The following TBC1D25 variants were observed in gnomAD, a reference collection of about 807,000 sequenced individuals.
TBC1D25 encodes TBC1 domain family member 25.
Under a neutral mutation model 38.8 loss-of-function variants are expected in TBC1D25, and 13 were observed. The ratio of observed to expected loss-of-function variants is 0.34; its 90% CI spans 0.22 to 0.53. The LOEUF (loss-of-function observed/expected upper bound fraction) is 0.53. Ranked by LOEUF, TBC1D25 falls within the 20% of genes least tolerant of loss-of-function variation. The pLI is 0.94. For missense variants in TBC1D25, 372 were observed against 600.0 expected, an observed-to-expected ratio of 0.62 and a Z score of 3.97; for synonymous variants, 225 against 255.6, an observed-to-expected ratio of 0.88 and a Z score of 1.14.
chrX:48,558,813 C>T (rs1487850818), intron 3 of TBC1D25, 84 bp from the exon 4 acceptor site: 5 of 1,154,410 alleles, frequency 4.3e-6, no homozygotes, highest in Admixed American at 2.4e-5. Context: ...GCAGGTAGCC[C>T]GGCTTCAGTA....
intron 3 of TBC1D25, among the ~76,000 whole-genome samples, chrX:48,550,698 C>T (rs1335126666): frequency 2.8e-5 from 3 of 106,122 alleles, no homozygotes; most frequent in African/African-American, 6.9e-5. Context: ...CTTGCTCTGT[C>T]GCCCAGGCTG....
At position 48,562,416 on chromosome X, in the gene TBC1D25, A is replaced by G. The variant is rs2062034678; in HGVS notation, c.*1441A>G. Reference sequence around the variant, plus strand: ...TGGGGGGAAGCTGACTATTCCTCAGATGATAGCCCAGTCACTTGAAGAACA... The same window carrying G: ...TGGGGGGAAGCTGACTATTCCTCAGGTGATAGCCCAGTCACTTGAAGAACA... On this transcript the variant is annotated 3_prime_UTR_variant, in exon 6 of 6. Coordinates refer to ENST00000376771, the MANE Select transcript of TBC1D25 (RefSeq NM_002536.4). The G allele has an allele frequency of 8.9e-6, 1 of 112,009 alleles. No individual in the cohort carries two copies. Among genetic ancestry groups the G allele is most frequent in the Non-Finnish European group, 1.9e-5 (1 of 53,179 alleles). 9.2% of individuals were successfully genotyped at this position (112,009 alleles called of 1,213,427 possible).
chrX:48,546,362 A>G (rs2061885652), intron 3 of TBC1D25, among the ~76,000 whole-genome samples: 1 of 107,763 alleles, frequency 9.3e-6, no homozygotes, highest in Non-Finnish European at 1.9e-5. Context: ...AAATACAAAA[A>G]AATAGCCGGG....
chrX:48,557,940 G>A (rs1200701854), intron 3 of TBC1D25, among the ~76,000 whole-genome samples: 5 of 107,010 alleles, frequency 4.7e-5, no homozygotes, highest in African/African-American at 6.8e-5. Context: ...GTGAAACTCC[G>A]TCTCTACTAA....
chrX:48,557,437 A>C (rs1223770673), intron 3 of TBC1D25, among the ~76,000 whole-genome samples: 1 of 110,778 alleles, frequency 9.0e-6, no homozygotes, highest in African/African-American at 3.3e-5. Flanking sequence ...TGAGGTCGGG[A>C]GTTCGAGACC....
At chrX:48,553,023 C>G (rs1179213782) in intron 3 of TBC1D25, among the ~76,000 whole-genome samples, 1 of 109,657 alleles carries the variant, frequency 9.1e-6, no homozygotes, top group Non-Finnish European at 1.9e-5. Flanking sequence ...CTCCTGACCT[C>G]AAGTGATTTG....
chrX:48,552,866 C>T (rs1189559290), intron 3 of TBC1D25, among the ~76,000 whole-genome samples: 2 of 109,037 alleles, frequency 1.8e-5, no homozygotes, highest in African/African-American at 3.3e-5. Flanking sequence ...CTCAGCTTAC[C>T]GCAACCTCCT....
At chrX:48,558,605 T>A (rs2147193478) in intron 3 of TBC1D25, among the ~76,000 whole-genome samples, 1 of 112,620 alleles carries the variant, frequency 8.9e-6, no homozygotes, top group South Asian at 3.6e-4. Context: ...TTATTTCTTA[T>A]ATTGCTGTTG....
chrX:48,549,454 C>T (rs1384770835), intron 3 of TBC1D25, among the ~76,000 whole-genome samples: 2 of 112,887 alleles, frequency 1.8e-5, no homozygotes, highest in African/African-American at 3.2e-5. Flanking sequence ...TTTGATTGCA[C>T]GCCTACACAG....
intron 3 of TBC1D25, among the ~76,000 whole-genome samples, chrX:48,545,458 C>T (rs375162694): frequency 2.7e-5 from 3 of 112,024 alleles, no homozygotes; most frequent in East Asian, 2.8e-4. Context: ...TATAACAATG[C>T]GTATTATAAT....
At chrX:48,541,248 G>C (rs1556980155) in intron 1 of TBC1D25, 85 bp from the exon 2 acceptor site, 1 of 836,598 alleles carries the variant, frequency 1.2e-6, no homozygotes, top group Non-Finnish European at 1.8e-6. Context: ...GCACCTCTCT[G>C]ACTTTGCCTT....
chrX:48,559,119 G>A (rs1242456369), intron 4 of TBC1D25, 39 bp from the exon 5 acceptor site: 2 of 1,202,123 alleles, frequency 1.7e-6, no homozygotes, highest in Non-Finnish European at 1.1e-6. Context: ...TCTGCCCCTA[G>A]TCCACACAGC....
chrX:48,549,845 T>A (rs2061915061), intron 3 of TBC1D25, among the ~76,000 whole-genome samples: 1 of 112,220 alleles, frequency 8.9e-6, no homozygotes, highest in African/African-American at 3.2e-5. Flanking sequence ...TCCATAAGCT[T>A]ATACAAATAT....
chrX:48,551,476 C>T (rs886572123), intron 3 of TBC1D25, among the ~76,000 whole-genome samples: 6 of 109,545 alleles, frequency 5.5e-5, no homozygotes, highest in Admixed American at 9.8e-5. Context: ...TACAGGCACG[C>T]GCCACCACGC....
At chrX:48,551,310 G>C (rs1376209721) in intron 3 of TBC1D25, among the ~76,000 whole-genome samples, 7 of 104,724 alleles carry the variant, frequency 6.7e-5, no homozygotes, top group Non-Finnish European at 1.1e-4. Context: ...TGTGTTTGTA[G>C]ACATTCTTTG....
At chrX:48,547,314 G>A (rs782168854) in intron 3 of TBC1D25, among the ~76,000 whole-genome samples, 2 of 111,943 alleles carry the variant, frequency 1.8e-5, no homozygotes, top group South Asian at 7.4e-4. Context: ...AAGAGAGACA[G>A]AGGAGAGAGA....
At chrX:48,542,026 CTTTT>C (rs782768482) in intron 2 of TBC1D25, among the ~76,000 whole-genome samples, 5 of 87,855 alleles carry the variant, frequency 5.7e-5, no homozygotes, top group Admixed American at 1.3e-4. Flanking sequence ...CTTTTTATTT[CTTTT>C]TTTTTTTTTT....
rs782657945 is a variant in TBC1D25 at position 48,543,745 on chromosome X, G to A, written c.234-1124G>A. ...TAAAAATACAAAAAATTCTCCAGGC[G>A]TGGTGGTGGGCGCCTGTAGTCCCAG... On this transcript the variant is annotated intron_variant, in intron 2 of 5. Coordinates refer to ENST00000376771, the MANE Select transcript of TBC1D25 (RefSeq NM_002536.4). Among the ~76,000 whole-genome samples, 6 of 108,126 alleles carry A rather than the reference G, an allele frequency of 5.5e-5. No individual in the cohort carries two copies. The South Asian group carries it at 1.2e-3, about 22-fold the overall frequency. The allele number at this position is 108,126 out of a possible 115,157, so 93.9% of individuals were successfully genotyped here. A position where few individuals can be genotyped will look rare whatever the true frequency, so the allele number is the denominator to read the frequency against.
rs1556986238 is a variant in TBC1D25, at chrX:48,560,947, A to C, written c.2039A>C (p.Glu680Ala). Residue 680 changes from glutamate to alanine, a missense_variant, in exon 6 of 6, where the codon GAG (glutamate) becomes GCG (alanine). Glu to Ala is a moderately radical substitution (Grantham distance 107, BLOSUM62 -1). Around this residue, in one of 2 missense-constraint regions of TBC1D25, gnomAD observed 312 missense variants for 549.3 expected, o/e 0.57. Coordinates refer to ENST00000376771, the MANE Select transcript of TBC1D25 (RefSeq NM_002536.4). ...CAGTCAGAGGTGTGGGACTCAGAGG[A>C]GGGGGCTGAGGCCACAGCCGCATCT... ...YLQSEVWDSE[E>A]GAEATAAS 1 of 1,199,894 alleles carries C rather than the reference A, an allele frequency of 8.3e-7. No homozygotes were observed. Among genetic ancestry groups the C allele is most frequent in the Non-Finnish European group, 1.1e-6 (1 of 890,167 alleles).
Sources: allele counts gnomAD v4.1 joint callset (sites outside exome capture counted in the v4.1 genomes callset), GRCh38; gene constraint gnomAD v4.1.1; regional missense constraint gnomAD v4.1.1; transcripts MANE v1.5; gene names NCBI Gene and HGNC (gene_info 2026-07-23, HGNC 2026-07-21).